Variants in SCTR observed in about 807,000 individuals in gnomAD.
The protein encoded by SCTR is secretin receptor.
SCTR carries 56 observed loss-of-function variants against 60.8 expected under a neutral mutation model. The observed-to-expected ratio is 0.92, with a 90% CI of 0.74 to 1.15. The LOEUF (loss-of-function observed/expected upper bound fraction) is 1.15. SCTR is among the 50% of genes most tolerant of loss of function. The pLI, the probability that SCTR is intolerant of heterozygous loss-of-function variation, is 0.00. For synonymous variants in SCTR, 202 were observed against 217.0 expected (o/e 0.93, Z 0.61); for missense variants, 562 against 550.4 (o/e 1.02, Z -0.21).
chr2:119,450,829 G>A (rs1254447900), intron 9 of SCTR, among the ~76,000 whole-genome samples: 1 of 152,160 alleles, frequency 6.6e-6, no homozygotes, highest in East Asian at 1.9e-4. Flanking sequence ...AGGCGTGGTG[G>A]TGGGAGCCTT....
intron 1 of SCTR, among the ~76,000 whole-genome samples, chr2:119,522,167 A>G (rs1679307620): frequency 6.6e-6 from 1 of 152,142 alleles, no homozygotes; most frequent in Admixed American, 6.5e-5. Context: ...ATGGTGGCAC[A>G]TGCCTGTAAT....
chr2:119,440,160 T>G lies in SCTR; in HGVS notation c.1280A>C (p.His427Pro). The change falls in exon 13 of 13, where the codon CAC becomes CCC. Residue 427 changes from histidine (H) to proline (P), a missense_variant. Transcript: ENST00000019103. Reference sequence around the variant, plus strand: ...GCAGGTGCCCTGGCTCTGCTCCAAGTGGCTGGCCTTGGTGCTGTTGCTGAA... The same window carrying G: ...GCAGGTGCCCTGGCTCTGCTCCAAGGGGCTGGCCTTGGTGCTGTTGCTGAA... ...ASFSNSTKAS[H>P]LEQSQGTCRT... The G allele has an allele frequency of 6.2e-7, 1 of 1,614,046 alleles. No homozygotes were observed. The highest frequency in any genetic ancestry group is 8.5e-7 in the Non-Finnish European group (1 of 1,179,986).
intron 7 of SCTR, among the ~76,000 whole-genome samples, chr2:119,461,440 G>A (rs557828377): frequency 3.3e-5 from 5 of 152,328 alleles, no homozygotes; most frequent in Middle Eastern, 3.4e-3. Flanking sequence ...AGCTGGATGC[G>A]GTGGCTCACG....
chr2:119,445,382 C>T (rs139410940), intron 11 of SCTR, among the ~76,000 whole-genome samples: 1 of 152,216 alleles, frequency 6.6e-6, no homozygotes. Flanking sequence ...AGGCTGAGTT[C>T]TCTGGAGGTC....
intron 4 of SCTR, among the ~76,000 whole-genome samples, chr2:119,467,449 T>A (rs1307914840): frequency 6.6e-6 from 1 of 151,498 alleles, no homozygotes; most frequent in African/African-American, 2.4e-5. Context: ...GGAATAAAAA[T>A]TAAAAGAATA....
intron 2 of SCTR, among the ~76,000 whole-genome samples, chr2:119,485,452 G>A (rs563499324): frequency 1.3e-5 from 2 of 152,308 alleles, no homozygotes; most frequent in Admixed American, 6.5e-5. Context: ...GCAGGACAGT[G>A]CCTGGGAGTT....
intron 1 of SCTR, among the ~76,000 whole-genome samples, chr2:119,509,973 G>T (rs113585836): frequency 1.3e-5 from 2 of 151,310 alleles, no homozygotes. Context: ...GTAGCAACAC[G>T]TATCAGAATT....
intron 1 of SCTR, among the ~76,000 whole-genome samples, chr2:119,514,745 G>A (rs1046247802): frequency 9.2e-5 from 14 of 152,108 alleles, no homozygotes; most frequent in African/African-American, 3.4e-4. Flanking sequence ...AAGCGTGGTG[G>A]CGCATGCCTG....
At chr2:119,523,077 G>A (rs1013704857) in intron 1 of SCTR, among the ~76,000 whole-genome samples, 2 of 152,152 alleles carry the variant, frequency 1.3e-5, no homozygotes, top group Non-Finnish European at 2.9e-5. Context: ...CAAACCAGAG[G>A]AGACTAAGGG....
At chr2:119,450,129 G>C (rs1683103626) in intron 9 of SCTR, among the ~76,000 whole-genome samples, 1 of 148,194 alleles carries the variant, frequency 6.7e-6, no homozygotes, top group South Asian at 2.2e-4. Context: ...GGAAGGAAAG[G>C]AAGGAAGGAA....
chr2:119,502,374 A>G (rs1270514102), intron 1 of SCTR, among the ~76,000 whole-genome samples: 1 of 152,268 alleles, frequency 6.6e-6, no homozygotes. Context: ...AAAAGGAATC[A>G]GAAGTCTAAA....
intron 1 of SCTR, among the ~76,000 whole-genome samples, chr2:119,520,833 CAAACCCAAT>C (rs1449261577): frequency 6.6e-6 from 1 of 152,174 alleles, no homozygotes; most frequent in East Asian, 1.9e-4. Context: ...CCCACTGCCC[CAAACCCAAT>C]GTGAAATGAA....
In SCTR at chr2:119,501,478, G is replaced by T. The variant is rs190721599; in HGVS notation, c.73-6930C>A. Among the ~76,000 whole-genome samples the T allele has an allele frequency of 2.1e-3, 327 of 152,180 alleles. 4 individuals carry two copies. The highest frequency in any genetic ancestry group is 5.8e-4 in the East Asian group (3 of 5,178). On this transcript the variant is annotated intron_variant, in intron 1 of 12. Coordinates refer to ENST00000019103, the MANE Select transcript of SCTR (RefSeq NM_002980.3). ...GTGTTTACCACCTGCTGGGAAGGGT[G>T]GGGGAGGAAAGGATGAACAGATGTT...
At chr2:119,443,764 C>T (rs1682746333) in intron 11 of SCTR, among the ~76,000 whole-genome samples, 2 of 152,182 alleles carry the variant, frequency 1.3e-5, no homozygotes, top group South Asian at 4.1e-4. Context: ...CCAGGCTGGT[C>T]TCGAACTCCT....
chr2:119,450,932 C>T (rs1349260616), intron 9 of SCTR, among the ~76,000 whole-genome samples: 3 of 152,246 alleles, frequency 2.0e-5, no homozygotes, highest in Admixed American at 6.5e-5. Flanking sequence ...CACTGCGCTC[C>T]AGCCTGGGTG....
At chr2:119,444,333 A>G (rs1682796416) in intron 11 of SCTR, among the ~76,000 whole-genome samples, 1 of 136,588 alleles carries the variant, frequency 7.3e-6, no homozygotes, top group African/African-American at 3.3e-5. Flanking sequence ...ACGTATGAAT[A>G]TATATACACA....
intron 4 of SCTR, among the ~76,000 whole-genome samples, chr2:119,468,486 A>T (rs1159124639): frequency 2.6e-5 from 4 of 152,258 alleles, no homozygotes; most frequent in African/African-American, 9.6e-5. Flanking sequence ...AAATGGGGAT[A>T]ATAATATCTA....
chr2:119,510,098 T>A (rs1821952), intron 1 of SCTR, among the ~76,000 whole-genome samples: 25,119 of 151,944 alleles, frequency 0.17, 2,684 homozygotes, highest in Middle Eastern at 0.25. Flanking sequence ...ACCTGTCATC[T>A]ACATTAGGAA....
chr2:119,521,709 C>A (rs57031109), intron 1 of SCTR, among the ~76,000 whole-genome samples: 1 of 152,062 alleles, frequency 6.6e-6, no homozygotes, highest in African/African-American at 2.4e-5. Context: ...GGGAAGATGC[C>A]TATAATCTCC....
Sources: allele counts gnomAD v4.1 joint callset (sites outside exome capture counted in the v4.1 genomes callset), GRCh38; gene constraint gnomAD v4.1.1; transcripts MANE v1.5; gene names NCBI Gene and HGNC (gene_info 2026-07-23, HGNC 2026-07-21).